PLCG2: variants seen among roughly 807,000 people sequenced by gnomAD.
PLCG2 encodes the protein phospholipase C gamma 2, also known as 1-phosphatidylinositol 4,5-bisphosphate phosphodiesterase gamma-2.
PLCG2 carries 69 observed loss-of-function variants against 175.6 expected under a neutral mutation model. That is an observed-to-expected ratio of 0.39 (90% CI 0.32 to 0.48). The LOEUF (loss-of-function observed/expected upper bound fraction) is 0.48. Among genes scored for constraint, PLCG2 ranks in the 20% least tolerant of loss-of-function variants. The pLI is 0.91. For missense variants in PLCG2, 1,798 were observed against 1,650.9 expected, an observed-to-expected ratio of 1.09 and a Z score of -1.54; for synonymous variants, 827 against 624.0, an observed-to-expected ratio of 1.33 and a Z score of -4.85.
At chr16:81,749,045 G>A (rs1402464695) in intron 1 of PLCG2, among the ~76,000 whole-genome samples, 1 of 152,172 alleles carries the variant, frequency 6.6e-6, no homozygotes, top group African/African-American at 2.4e-5. Context: ...AGGCTGTGGT[G>A]CTCACTAAAG....
In PLCG2 at chr16:81,843,386, C is replaced by T. The variant is rs142671992; in HGVS notation, c.194-11058C>T. ...AGGCACATTCCTTCTTAGCTGAATC[C>T]AGTACATTCCTGAAAACACACTGGA... On this transcript the variant is annotated intron_variant, in intron 2 of 32. Transcript: ENST00000564138. 2.0e-5 allele frequency among the ~76,000 whole-genome samples: 3 copies of T among 152,270 alleles called. No homozygotes were observed. The East Asian group carries it at 5.8e-4, about 29-fold the overall frequency.
At chr16:81,789,253 C>A (rs1911118514) in intron 2 of PLCG2, among the ~76,000 whole-genome samples, 1 of 152,252 alleles carries the variant, frequency 6.6e-6, no homozygotes, top group African/African-American at 2.4e-5. Context: ...TCCCCTTCTG[C>A]TGAGTAATAC....
intron 2 of PLCG2, among the ~76,000 whole-genome samples, chr16:81,840,153 A>G (rs1905742591): frequency 6.6e-6 from 1 of 152,334 alleles, no homozygotes; most frequent in Non-Finnish European, 1.5e-5. Flanking sequence ...TGAGTTTGGA[A>G]ATGATTGAGA....
chr16:81,893,611 G>T, intron 11 of PLCG2, 98 bp from the exon 12 acceptor site: 1 of 735,974 alleles, frequency 1.4e-6, no homozygotes. Context: ...TTGGCGGCTC[G>T]GGCGGAGAAG....
chr16:81,868,348 A>C (rs1478676422), intron 5 of PLCG2, among the ~76,000 whole-genome samples: 1 of 151,010 alleles, frequency 6.6e-6, no homozygotes, highest in African/African-American at 2.4e-5. Flanking sequence ...TCTGAACCCC[A>C]GTGGCATTAA....
At chr16:81,950,379 A>T (rs535251794) in intron 31 of PLCG2, among the ~76,000 whole-genome samples, 75 of 152,346 alleles carry the variant, frequency 4.9e-4, no homozygotes, top group Admixed American at 8.5e-4. Context: ...AAGGGATATA[A>T]AAGTCATTAG....
At chr16:81,860,551 TG>T (rs1335102949) in intron 5 of PLCG2, among the ~76,000 whole-genome samples, 4 of 152,224 alleles carry the variant, frequency 2.6e-5, no homozygotes, top group African/African-American at 9.6e-5. Context: ...CTTTGATCTT[TG>T]TTCATCTGCA....
At position 81,833,525 on chromosome 16, in the gene PLCG2, T is replaced by C. The variant is rs1216470194; in HGVS notation, c.194-20919T>C. On this transcript the variant is annotated intron_variant, in intron 2 of 32. Transcript: ENST00000564138. ...TTTTTTTTTTTTTCAATTTCAAAAT[T>C]TAAAAAAATCTTTTTTTTTTTTGAG... Among the ~76,000 whole-genome samples, 6 of 148,008 alleles carry C rather than the reference T, an allele frequency of 4.1e-5. No homozygotes were observed. The Admixed American group carries it at 4.3e-4, about 11-fold the overall frequency.
upstream of PLCG2, among the ~76,000 whole-genome samples, chr16:81,777,087 C>G (rs1015014493): frequency 6.6e-6 from 1 of 150,770 alleles, no homozygotes; most frequent in African/African-American, 2.5e-5. Flanking sequence ...GACATTTTAA[C>G]TCAAAAATAC....
At position 81,909,886 on chromosome 16, in the gene PLCG2, G is replaced by T. The variant is rs1190206399; in HGVS notation, c.1734-634G>T. Among the ~76,000 whole-genome samples the T allele has an allele frequency of 2.6e-5, 4 of 152,130 alleles. No individual in the cohort carries two copies. The East Asian group carries it at 5.8e-4, about 22-fold the overall frequency. ...GTCAGACCGCTGGGGTAGTAATACA[G>T]TGTGGCTCAGACAGCACGGGTGACC... is the stretch of plus-strand genomic sequence containing the variant. On this transcript the variant is annotated intron_variant, in intron 17 of 32. Transcript: ENST00000564138.
chr16:81,776,909 T>C (rs12931445), upstream of PLCG2, among the ~76,000 whole-genome samples: 104,352 of 151,922 alleles, frequency 0.69, 36,223 homozygotes, highest in African/African-American at 0.76. Context: ...ATGAAGGGCC[T>C]CCAGTACTCT....
chr16:81,749,523 T>C (rs1909765584), intron 1 of PLCG2, among the ~76,000 whole-genome samples: 1 of 152,066 alleles, frequency 6.6e-6, no homozygotes, highest in African/African-American at 2.4e-5. Context: ...CAGCTAATTA[T>C]GTGTATTTTT....
At chr16:81,781,858 T>C (rs1389398793) in intron 1 of PLCG2, among the ~76,000 whole-genome samples, 2 of 93,370 alleles carry the variant, frequency 2.1e-5, no homozygotes, top group Non-Finnish European at 2.0e-5. Flanking sequence ...TCTCATTTCA[T>C]GTCCTTTCCC....
chr16:81,858,461 G>T (rs927332560), intron 4 of PLCG2, 105 bp downstream of exon 4: 71 of 814,006 alleles, frequency 8.7e-5, no homozygotes, highest in Non-Finnish European at 1.4e-4. Context: ...AGGGACATTG[G>T]TTTTTTGAGG....
chr16:81,954,787 C>T (rs945873759), intron 31 of PLCG2, among the ~76,000 whole-genome samples: 2 of 152,160 alleles, frequency 1.3e-5, no homozygotes, highest in African/African-American at 4.8e-5. Flanking sequence ...GTACATGGTG[C>T]TGCAGTAAAC....
chr16:81,828,708 T>C (rs1251467920), intron 2 of PLCG2, among the ~76,000 whole-genome samples: 1 of 152,180 alleles, frequency 6.6e-6, no homozygotes. Flanking sequence ...TTTCCTCATA[T>C]AGAAGCCAGC....
intron 15 of PLCG2, among the ~76,000 whole-genome samples, chr16:81,905,818 C>G (rs1909345544): frequency 6.6e-6 from 1 of 152,084 alleles, no homozygotes; most frequent in Non-Finnish European, 1.5e-5. Context: ...CACCACCATG[C>G]CTGGCTAATT....
At chr16:81,895,707 G>A (rs1240897498) in intron 12 of PLCG2, 100 bp from the exon 13 acceptor site, 3 of 1,335,502 alleles carry the variant, frequency 2.2e-6, no homozygotes, top group Non-Finnish European at 3.2e-6. Context: ...GAGTGTGGGT[G>A]TCCTTGTCTA....
At chr16:81,937,273 C>T (rs1212032145) in intron 27 of PLCG2, 4 of 152,372 alleles carry the variant, frequency 2.6e-5, no homozygotes, top group African/African-American at 9.7e-5. Context: ...GAGGTGAAAA[C>T]TGATACATCG....
Sources: gnomAD v4.1 joint callset for allele counts (sites outside exome capture counted in the v4.1 genomes callset) on GRCh38, gnomAD v4.1.1 for gene constraint, MANE v1.5 for transcripts, NCBI Gene and HGNC (gene_info 2026-07-23, HGNC 2026-07-21) for gene names.